Variants in CEP112 observed in about 807,000 individuals in gnomAD.
CEP112 encodes the protein centrosomal protein 112, also known as centrosomal protein of 112 kDa.
Under a neutral mutation model 153.0 loss-of-function variants are expected in CEP112, and 127 were observed. That is an observed-to-expected ratio of 0.83 (90% CI 0.72 to 0.96). CEP112 has a LOEUF of 0.96. Ranked by LOEUF, CEP112 falls within the 40% of genes least tolerant of loss-of-function variation. The pLI is 0.00. For missense variants in CEP112, 1,089 were observed against 1,101.2 expected (o/e 0.99, Z 0.16); for synonymous variants, 358 against 374.4 (o/e 0.96, Z 0.51).
intron 24 of CEP112, among the ~76,000 whole-genome samples, chr17:65,678,705 T>C (rs556687222): frequency 6.6e-6 from 1 of 152,292 alleles, no homozygotes; most frequent in East Asian, 1.9e-4. Flanking sequence ...AAGAGCCACT[T>C]CAACAATGTA....
chr17:65,685,266 T>C (rs1183910504), intron 24 of CEP112, among the ~76,000 whole-genome samples: 6 of 152,206 alleles, frequency 3.9e-5, no homozygotes, highest in Non-Finnish European at 8.8e-5. Context: ...AACATAACTT[T>C]TACAATGCCT....
intron 4 of CEP112, among the ~76,000 whole-genome samples, chr17:66,172,175 G>A (rs2072272523): frequency 6.6e-6 from 1 of 152,136 alleles, no homozygotes; most frequent in Non-Finnish European, 1.5e-5. Flanking sequence ...TTCCTAACAC[G>A]TTCCTTCCCA....
At chr17:65,637,666 C>T (rs1416451811) in intron 25 of CEP112, among the ~76,000 whole-genome samples, 1 of 152,252 alleles carries the variant, frequency 6.6e-6, no homozygotes. Flanking sequence ...CAGCGGTCCC[C>T]TCCTCTGTGT....
At chr17:65,977,581 G>A (rs1265355334) in intron 17 of CEP112, among the ~76,000 whole-genome samples, 3 of 152,150 alleles carry the variant, frequency 2.0e-5, no homozygotes, top group African/African-American at 4.8e-5. Context: ...ATGGTCCTAT[G>A]GCAGAGAACA....
intron 1 of CEP112, among the ~76,000 whole-genome samples, chr17:66,189,240 C>G (rs1259974876): frequency 6.6e-6 from 1 of 152,172 alleles, no homozygotes; most frequent in Non-Finnish European, 1.5e-5. Flanking sequence ...TTGGCTCACA[C>G]CTGTAATCCC....
intron 25 of CEP112, among the ~76,000 whole-genome samples, 187 bp downstream of exon 25, chr17:65,640,777 T>C (rs1317276745): frequency 6.6e-6 from 1 of 152,198 alleles, no homozygotes. Context: ...GAAATTCTTA[T>C]TGAGACAGTG....
At chr17:65,977,096 T>C (rs963715304) in intron 17 of CEP112, among the ~76,000 whole-genome samples, 1 of 152,146 alleles carries the variant, frequency 6.6e-6, no homozygotes, top group African/African-American at 2.4e-5. Context: ...TAAAAACAGC[T>C]GTATATTATA....
At chr17:65,649,551 T>C (rs1220447298) in intron 24 of CEP112, among the ~76,000 whole-genome samples, 8 of 151,076 alleles carry the variant, frequency 5.3e-5, no homozygotes, top group Non-Finnish European at 5.9e-5. Flanking sequence ...ACCTCATTTC[T>C]ACTAAAAATA....
At chr17:66,086,728 A>G (rs1475230187) in intron 8 of CEP112, among the ~76,000 whole-genome samples, 2 of 152,012 alleles carry the variant, frequency 1.3e-5, no homozygotes, top group Non-Finnish European at 2.9e-5. Flanking sequence ...ACATATGTTT[A>G]TAGAACACAT....
intron 21 of CEP112, among the ~76,000 whole-genome samples, chr17:65,765,775 G>A (rs1212544795): frequency 6.6e-6 from 1 of 152,048 alleles, no homozygotes; most frequent in East Asian, 1.9e-4. Flanking sequence ...CTGCATGGAG[G>A]CTTGACCACT....
chr17:65,937,320 C>G, intron 18 of CEP112, among the ~76,000 whole-genome samples: 1 of 103,232 alleles, frequency 9.7e-6, no homozygotes, highest in South Asian at 4.2e-4. Context: ...GCCATCCCAT[C>G]TAGGAAGTGA....
At chr17:65,777,273 G>T (rs1253581657) in intron 21 of CEP112, among the ~76,000 whole-genome samples, 1 of 152,196 alleles carries the variant, frequency 6.6e-6, no homozygotes, top group Admixed American at 6.5e-5. Context: ...ATGGCATAGG[G>T]TAAGCCAGAC....
At chr17:66,006,502 A>C (rs2064280120) in intron 16 of CEP112, among the ~76,000 whole-genome samples, 1 of 152,074 alleles carries the variant, frequency 6.6e-6, no homozygotes, top group Non-Finnish European at 1.5e-5. Flanking sequence ...GCTACTCAGG[A>C]GGCTGAGGCA....
chr17:65,743,333 A>G, intron 22 of CEP112, 116 bp from the exon 23 acceptor site: 1 of 743,498 alleles, frequency 1.3e-6, no homozygotes, highest in Non-Finnish European at 2.1e-6. Flanking sequence ...CACAAATTAA[A>G]TATTTTCAAT....
chr17:65,802,938 C>T (rs1413110703), intron 21 of CEP112, among the ~76,000 whole-genome samples: 3 of 152,226 alleles, frequency 2.0e-5, no homozygotes, highest in Non-Finnish European at 2.9e-5. Context: ...AAGACCTTTA[C>T]AAGTGCCTTC....
In CEP112 at chr17:66,069,934, T is replaced by A; in HGVS notation, c.836A>T (p.His279Leu). 6.3e-7 allele frequency: 1 copy of A among 1,599,860 alleles called. No individual in the cohort carries two copies. The highest frequency in any genetic ancestry group is 8.6e-7 in the Non-Finnish European group (1 of 1,169,128). The change falls in exon 9 of 27, where the codon CAT becomes CTT. Residue 279 changes from histidine to leucine, a missense_variant. Coordinates refer to ENST00000535342, the MANE Select transcript of CEP112 (RefSeq NM_001199165.4). ...TCCTACCTTCTGAACATCAGCATCATGTTTCTGTTGCAGTTTAAGCTTTTC... is the reference window on the plus strand; with the variant it reads ...TCCTACCTTCTGAACATCAGCATCAAGTTTCTGTTGCAGTTTAAGCTTTTC... ...HEEKLKLQQK[H>L]DADVQKILER... is the part of the protein sequence containing the mutation.
chr17:65,865,514 T>G (rs956119049), intron 20 of CEP112, among the ~76,000 whole-genome samples: 4 of 152,204 alleles, frequency 2.6e-5, no homozygotes, highest in African/African-American at 9.6e-5. Context: ...CAAGGCAACC[T>G]AGTGCACCAC....
At chr17:65,761,861 G>T (rs113618425) in intron 21 of CEP112, among the ~76,000 whole-genome samples, 4 of 152,198 alleles carry the variant, frequency 2.6e-5, no homozygotes, top group African/African-American at 9.6e-5. Flanking sequence ...GAATGTGTAT[G>T]CCGCTGCTGT....
chr17:65,723,229 A>AG (rs1218144444), intron 23 of CEP112, among the ~76,000 whole-genome samples: 2 of 152,232 alleles, frequency 1.3e-5, no homozygotes, highest in Non-Finnish European at 2.9e-5. Context: ...ACCATGCCAA[A>AG]GAAAAAAAAC....
Sources: gnomAD v4.1 joint callset for allele counts (sites outside exome capture counted in the v4.1 genomes callset) on GRCh38, gnomAD v4.1.1 for gene constraint, MANE v1.5 for transcripts, NCBI Gene and HGNC (gene_info 2026-07-23, HGNC 2026-07-21) for gene names.